The following PCDH9 variants were observed in gnomAD, a reference collection of about 807,000 sequenced individuals.
PCDH9 encodes protocadherin 9.
Under a neutral mutation model 70.6 loss-of-function variants are expected in PCDH9, and 24 were observed. That is an observed-to-expected ratio of 0.34 (90% confidence interval 0.25 to 0.48). The LOEUF is 0.48. PCDH9 is among the 20% of genes least tolerant of loss of function. The pLI is 0.99. For missense variants in PCDH9, 1,281 were observed against 1,503.6 expected, an observed-to-expected ratio of 0.85 and a Z score of 2.45; for synonymous variants, 562 against 558.5, an observed-to-expected ratio of 1.01 and a Z score of -0.09.
At chr13:66,506,915 C>A (rs1045004861) in intron 4 of PCDH9, among the ~76,000 whole-genome samples, 2 of 152,180 alleles carry the variant, frequency 1.3e-5, no homozygotes, top group African/African-American at 2.4e-5. Flanking sequence ...ATGGAAAATA[C>A]TTTGTTGTGC....
At chr13:66,999,066 G>A (rs888931584) in intron 2 of PCDH9, among the ~76,000 whole-genome samples, 68 of 152,096 alleles carry the variant, frequency 4.5e-4, no homozygotes, top group African/African-American at 1.5e-3. Flanking sequence ...CATTTCCCTA[G>A]CCAATCATCC....
chr13:66,552,364 T>G (rs1051345435), intron 4 of PCDH9, among the ~76,000 whole-genome samples: 1 of 152,140 alleles, frequency 6.6e-6, no homozygotes, highest in Non-Finnish European at 1.5e-5. Context: ...AGGCGCGATA[T>G]TTGCATGTCT....
rs144989410 is a variant in PCDH9 at position 66,626,052 on chromosome 13, G to C, written c.3340+5158C>G. Among the ~76,000 whole-genome samples the C allele has an allele frequency of 4.2e-3, 636 of 152,280 alleles. 19 individuals carry two copies. In the East Asian group the frequency reaches 0.081, roughly 19 times the overall value. ...AGTAGTTAATTTGCAAAGTTGTACA[G>C]CTATCATGAGATTTTTTTTTCTTGT... On this transcript the variant is annotated intron_variant, in intron 4 of 4. Coordinates refer to ENST00000377865, the MANE Select transcript of PCDH9 (RefSeq NM_203487.3).
intron 2 of PCDH9, among the ~76,000 whole-genome samples, chr13:67,023,651 A>G (rs953493601): frequency 6.6e-6 from 1 of 152,182 alleles, no homozygotes; most frequent in Non-Finnish European, 1.5e-5. Flanking sequence ...TGGAATCAAC[A>G]CGTATTCCTG....
At chr13:66,490,758 A>T (rs1959021120) in intron 4 of PCDH9, among the ~76,000 whole-genome samples, 1 of 152,172 alleles carries the variant, frequency 6.6e-6, no homozygotes, top group Admixed American at 6.5e-5. Context: ...AGAAAAAAAA[A>T]TTCCTGATGC....
intron 2 of PCDH9, among the ~76,000 whole-genome samples, chr13:66,917,181 T>A (rs2082570386): frequency 6.6e-6 from 1 of 151,508 alleles, no homozygotes; most frequent in Non-Finnish European, 1.5e-5. Flanking sequence ...AAGTTAGACA[T>A]AGCAACAACT....
At chr13:66,944,856 T>TGTGTGTGTGA (rs1491182184) in intron 2 of PCDH9, among the ~76,000 whole-genome samples, 1 of 151,078 alleles carries the variant, frequency 6.6e-6, no homozygotes, top group African/African-American at 2.4e-5. Flanking sequence ...TGTGTGTGTG[T>TGTGTGTGTGA]GATTTAACTG....
At chr13:66,505,729 A>G (rs1334462771) in intron 4 of PCDH9, among the ~76,000 whole-genome samples, 2 of 152,176 alleles carry the variant, frequency 1.3e-5, no homozygotes, top group African/African-American at 4.8e-5. Context: ...AAGACCCACC[A>G]CTATGATTCA....
chr13:67,186,354 C>T (rs996703474), intron 2 of PCDH9, among the ~76,000 whole-genome samples: 3 of 152,038 alleles, frequency 2.0e-5, no homozygotes, highest in Non-Finnish European at 2.9e-5. Flanking sequence ...GAACCAAAAA[C>T]GTATGTAGGG....
intron 2 of PCDH9, among the ~76,000 whole-genome samples, chr13:67,200,353 T>A (rs540548314): frequency 6.6e-6 from 1 of 152,014 alleles, no homozygotes; most frequent in African/African-American, 2.4e-5. Flanking sequence ...TGTTTCTCTA[T>A]GGTAATAGCC....
intron 4 of PCDH9, among the ~76,000 whole-genome samples, chr13:66,430,140 T>C (rs1157224018): frequency 6.6e-6 from 1 of 152,096 alleles, no homozygotes; most frequent in Non-Finnish European, 1.5e-5. Context: ...ACTACAAACA[T>C]TCAGAGCAAT....
chr13:66,342,865 C>T (rs377307982), intron 4 of PCDH9, among the ~76,000 whole-genome samples: 1 of 151,840 alleles, frequency 6.6e-6, no homozygotes, highest in Non-Finnish European at 1.5e-5. Context: ...AGGCTGGCCT[C>T]GAACTCCTGA....
intron 2 of PCDH9, among the ~76,000 whole-genome samples, chr13:67,198,884 A>G (rs1010404356): frequency 6.6e-6 from 1 of 151,878 alleles, no homozygotes; most frequent in African/African-American, 2.4e-5. Context: ...TATGATACTT[A>G]GGTTATTACC....
chr13:66,935,136 C>T (rs1337806683), intron 2 of PCDH9, among the ~76,000 whole-genome samples: 1 of 152,100 alleles, frequency 6.6e-6, no homozygotes, highest in African/African-American at 2.4e-5. Context: ...TCACGATTCA[C>T]TGCAGCCTCG....
At chr13:66,848,671 G>A (rs2081254577) in intron 3 of PCDH9, among the ~76,000 whole-genome samples, 1 of 152,070 alleles carries the variant, frequency 6.6e-6, no homozygotes, top group Admixed American at 6.5e-5. Context: ...GCTTACACCT[G>A]TAATCCCAGC....
chr13:66,856,143 G>A (rs546975214), intron 3 of PCDH9, among the ~76,000 whole-genome samples: 164 of 151,772 alleles, frequency 1.1e-3, no homozygotes, highest in Non-Finnish European at 2.1e-3. Context: ...CTTCAATAAC[G>A]CATATAAATA....
chr13:66,865,926 C>G (rs1271520725), intron 3 of PCDH9, among the ~76,000 whole-genome samples: 1 of 152,168 alleles, frequency 6.6e-6, no homozygotes, highest in East Asian at 1.9e-4. Context: ...CAAGGCTATC[C>G]TTAAATTTCG....
intron 4 of PCDH9, among the ~76,000 whole-genome samples, chr13:66,435,849 G>A (rs1190311378): frequency 1.3e-5 from 2 of 152,000 alleles, no homozygotes; most frequent in African/African-American, 4.8e-5. Context: ...ATTACAATGG[G>A]AGCCAGCGAC....
rs9540709 is a variant in PCDH9, at chr13:66,311,366, C to G, written c.3341-6338G>C. Among the ~76,000 whole-genome samples, 813 of 132,814 alleles carry G rather than the reference C, an allele frequency of 6.1e-3. 2 individuals carry two copies. The highest frequency in any genetic ancestry group is 0.022 in the African/African-American group (712 of 32,746). 87.1% of individuals were successfully genotyped at this position (132,814 alleles called of 152,430 possible). A position where few individuals can be genotyped will look rare whatever the true frequency, so the allele number is the denominator to read the frequency against. On this transcript the variant is annotated intron_variant, in intron 4 of 4. Coordinates refer to ENST00000377865, the MANE Select transcript of PCDH9 (RefSeq NM_203487.3). ...TCTCTCTCTCTCTTTCTCTCTCTCTCTGTGTGTGTGTGTGTGTGTGTGTTA... is the reference window on the plus strand; with the variant it reads ...TCTCTCTCTCTCTTTCTCTCTCTCTGTGTGTGTGTGTGTGTGTGTGTGTTA...
Sources: allele counts gnomAD v4.1 joint callset (sites outside exome capture counted in the v4.1 genomes callset), GRCh38; gene constraint gnomAD v4.1.1; transcripts MANE v1.5; gene names NCBI Gene and HGNC (gene_info 2026-07-23, HGNC 2026-07-21).